TMEM182: variants seen among roughly 807,000 people sequenced by gnomAD.
TMEM182 encodes transmembrane protein 182.
Under a neutral mutation model 26.8 loss-of-function variants are expected in TMEM182, and 20 were observed. The observed-to-expected ratio is 0.75, with a 90% CI of 0.53 to 1.09. TMEM182 has a LOEUF of 1.09. Among genes scored for constraint, TMEM182 ranks in the 50% least tolerant of loss-of-function variants. The pLI is 0.00. For missense variants in TMEM182, 277 were observed against 275.5 expected (o/e 1.01, Z -0.04); for synonymous variants, 109 against 102.2 (o/e 1.07, Z -0.40).
intron 1 of TMEM182, among the ~76,000 whole-genome samples, chr2:102,752,867 G>T (rs1486289403): frequency 6.6e-6 from 1 of 152,174 alleles, no homozygotes; most frequent in Non-Finnish European, 1.5e-5. Flanking sequence ...AAAGAAATGT[G>T]CAGAGCACTT....
chr2:102,833,412 C>A (rs1683185529), intron 3 of TMEM182, among the ~76,000 whole-genome samples: 1 of 152,174 alleles, frequency 6.6e-6, no homozygotes, highest in Admixed American at 6.5e-5. Context: ...TCAGGTCAAA[C>A]ATCGTGCTTA....
At chr2:102,750,770 A>G (rs2104639100) in intron 1 of TMEM182, among the ~76,000 whole-genome samples, 1 of 152,272 alleles carries the variant, frequency 6.6e-6, no homozygotes, top group East Asian at 1.9e-4. Flanking sequence ...TATTGTGCCT[A>G]CCTGGGTGAG....
At chr2:102,806,646 C>A (rs1174179172) in intron 4 of TMEM182, among the ~76,000 whole-genome samples, 1 of 152,144 alleles carries the variant, frequency 6.6e-6, no homozygotes, top group Non-Finnish European at 1.5e-5. Context: ...TTAGCAGGAG[C>A]TCGTGCCAAA....
At chr2:102,822,240 C>T (rs1279906600), downstream of TMEM182, among the ~76,000 whole-genome samples, 1 of 151,938 alleles carries the variant, frequency 6.6e-6, no homozygotes, top group African/African-American at 2.4e-5. Context: ...AAGATTAGAC[C>T]CCTGAGGAGG....
At chr2:102,803,428 A>G (rs938316743) in intron 4 of TMEM182, among the ~76,000 whole-genome samples, 4 of 152,168 alleles carry the variant, frequency 2.6e-5, no homozygotes, top group African/African-American at 9.7e-5. Flanking sequence ...AGGTTAGTAG[A>G]TATAAAGGGA....
At chr2:102,811,415 A>G (rs1265408858) in intron 4 of TMEM182, among the ~76,000 whole-genome samples, 6 of 152,160 alleles carry the variant, frequency 3.9e-5, no homozygotes, top group Non-Finnish European at 8.8e-5. Flanking sequence ...TGAGGTTACT[A>G]TTTTCTCCGT....
intron 3 of TMEM182, among the ~76,000 whole-genome samples, chr2:102,831,635 T>C (rs1013923328): frequency 6.6e-6 from 1 of 152,102 alleles, no homozygotes; most frequent in Non-Finnish European, 1.5e-5. Context: ...TACATGCCTG[T>C]AGTCCCAGCT....
chr2:102,778,663 C>T (rs1300234261), intron 3 of TMEM182, among the ~76,000 whole-genome samples: 1 of 150,596 alleles, frequency 6.6e-6, no homozygotes, highest in African/African-American at 2.5e-5. Flanking sequence ...CTTTGTATAA[C>T]TTCTATAATC....
intron 3 of TMEM182, among the ~76,000 whole-genome samples, chr2:102,776,785 C>G (rs1303500586): frequency 6.6e-6 from 1 of 152,176 alleles, no homozygotes; most frequent in East Asian, 1.9e-4. Context: ...GAATGAGTTA[C>G]TGTTGTTCTA....
At chr2:102,810,786 T>G (rs1202391388) in intron 4 of TMEM182, among the ~76,000 whole-genome samples, 2 of 152,174 alleles carry the variant, frequency 1.3e-5, no homozygotes, top group African/African-American at 2.4e-5. Context: ...GCTTTCCAAA[T>G]GTATGACCAA....
intron 4 of TMEM182, among the ~76,000 whole-genome samples, chr2:102,801,533 C>T (rs1472072256): frequency 2.0e-5 from 3 of 152,144 alleles, no homozygotes; most frequent in African/African-American, 7.2e-5. Flanking sequence ...TCTGGGTTTG[C>T]TCTAGTGTCT....
At chr2:102,803,244 T>C (rs527403676) in intron 4 of TMEM182, among the ~76,000 whole-genome samples, 2 of 152,332 alleles carry the variant, frequency 1.3e-5, no homozygotes, top group East Asian at 3.9e-4. Flanking sequence ...TCACAAGTTA[T>C]TGCCTCTCAC....
intron 3 of TMEM182, among the ~76,000 whole-genome samples, chr2:102,777,062 T>A (rs1680948100): frequency 7.4e-6 from 1 of 134,770 alleles, no homozygotes; most frequent in Non-Finnish European, 1.6e-5. Flanking sequence ...ATTGGATACA[T>A]GTTTTTAAAA....
At chr2:102,774,033 GAAGTA>G (rs1191961448) in intron 3 of TMEM182, among the ~76,000 whole-genome samples, 5 of 151,762 alleles carry the variant, frequency 3.3e-5, no homozygotes, top group African/African-American at 1.2e-4. Context: ...AATTTTCACA[GAAGTA>G]AAGAGATAAG....
chr2:102,813,686 A>C (rs1321119276), intron 4 of TMEM182, among the ~76,000 whole-genome samples: 1 of 152,216 alleles, frequency 6.6e-6, no homozygotes, highest in African/African-American at 2.4e-5. Context: ...GGTAACAGTT[A>C]CATGGGAAAG....
At chr2:102,786,210 G>GTTTTTTTTTTTTTTTTTTTTTTTTTT (rs772846502) in intron 3 of TMEM182, among the ~76,000 whole-genome samples, 1 of 91,796 alleles carries the variant, frequency 1.1e-5, no homozygotes, top group Non-Finnish European at 2.0e-5. Context: ...TCAGCAATCT[G>GTTTTTTTTTTTTTTTTTTTTTTTTTT]TTTTTTTTTT....
At chr2:102,743,903 A>G (rs1679611459) in intron 1 of TMEM182, among the ~76,000 whole-genome samples, 1 of 152,238 alleles carries the variant, frequency 6.6e-6, no homozygotes, top group South Asian at 2.1e-4. Flanking sequence ...TCAATTCTCC[A>G]AGAAGACCTA....
chr2:102,752,653 G>A lies in TMEM182; in HGVS notation c.-82-5736G>A, dbSNP rs549269126. 4.6e-5 allele frequency among the ~76,000 whole-genome samples: 7 copies of A among 152,288 alleles called. No homozygotes were observed. In the East Asian group the frequency reaches 1.4e-3, roughly 29 times the overall value. On this transcript the variant is annotated intron_variant, in intron 1 of 5. Coordinates refer to the TMEM182 transcript ENST00000409173. Reference sequence around the variant, plus strand: ...ATTTCACTCTCTTTCTCACTGATTAGGTTGTCTTTCCTTTGGGCCATATGA... The same window carrying A: ...ATTTCACTCTCTTTCTCACTGATTAAGTTGTCTTTCCTTTGGGCCATATGA...
intron 4 of TMEM182, among the ~76,000 whole-genome samples, chr2:102,800,408 C>G (rs774123552): frequency 2.0e-5 from 3 of 152,126 alleles, no homozygotes; most frequent in African/African-American, 7.2e-5. Context: ...TTGTGTCTGG[C>G]TTTTTTCACT....
Sources: gnomAD v4.1 joint callset for allele counts (sites outside exome capture counted in the v4.1 genomes callset) on GRCh38, gnomAD v4.1.1 for gene constraint, MANE v1.5 for transcripts, NCBI Gene and HGNC (gene_info 2026-07-23, HGNC 2026-07-21) for gene names.